The following DTYMK variants were observed in gnomAD, a reference collection of about 807,000 sequenced individuals.
DTYMK encodes the protein deoxythymidylate kinase, also known as thymidylate kinase.
Under a neutral mutation model 20.3 loss-of-function variants are expected in DTYMK, and 20 were observed. The ratio of observed to expected loss-of-function variants is 0.99; its 90% CI spans 0.69 to 1.43. The LOEUF (loss-of-function observed/expected upper bound fraction) is 1.43, where lower values mean the gene tolerates loss of function less well. Ranked by LOEUF, DTYMK falls within the 40% of genes most tolerant of loss-of-function variation. The pLI is 0.00. For missense variants in DTYMK, 320 were observed against 291.1 expected (o/e 1.10, Z -0.72); for synonymous variants, 148 against 124.4 (o/e 1.19, Z -1.27).
At chr2:241,682,494 A>C (rs2069282137) in intron 2 of DTYMK, among the ~76,000 whole-genome samples, 1 of 152,224 alleles carries the variant, frequency 6.6e-6, no homozygotes, top group South Asian at 2.1e-4. Context: ...ACCCCCTTAA[A>C]AAGTGGGCCA....
rs878962350 is a variant in DTYMK, at chr2:241,676,191, CG to C, written c.574del (p.Arg192AlafsTer130). On this transcript the variant is annotated frameshift_variant, in exon 5 of 5. Transcript: ENST00000305784. LOFTEE classifies it low-confidence loss of function (END_TRUNC). ...KSIEAVHEDIRVLSEDAIRTA... is the reference protein window; with the variant it reads ...KSIEAVHEDIXVLSEDAIRTA... ...GCGGATGGCGTCCTCAGAGAGCACG[CG>C]GATGTCCTCATGGACAGCTTCGATG... 1 of 1,613,268 alleles carries C rather than the reference CG, an allele frequency of 6.2e-7. No homozygotes were observed. The highest frequency in any genetic ancestry group is 1.1e-5 in the South Asian group (1 of 90,960).
intron 4 of DTYMK, among the ~76,000 whole-genome samples, chr2:241,677,067 G>A (rs1205893722): frequency 2.0e-5 from 3 of 152,276 alleles, no homozygotes; most frequent in Non-Finnish European, 4.4e-5. Flanking sequence ...CCAGAAGGCA[G>A]GCAGTGAGAG....
intron 2 of DTYMK, among the ~76,000 whole-genome samples, chr2:241,682,537 C>T (rs1400032940): frequency 6.6e-6 from 1 of 152,172 alleles, no homozygotes; most frequent in African/African-American, 2.4e-5. Context: ...CCTATATTCC[C>T]AACACTTTGG....
At chr2:241,685,931 T>A in intron 1 of DTYMK, 54 bp from the exon 2 acceptor site, 2 of 1,552,628 alleles carry the variant, frequency 1.3e-6, no homozygotes, top group South Asian at 2.2e-5. Context: ...TTTCCCTCTA[T>A]ATTACAATAT....
intron 4 of DTYMK, among the ~76,000 whole-genome samples, chr2:241,677,286 A>T (rs1575102093): frequency 6.6e-6 from 1 of 152,322 alleles, no homozygotes; most frequent in Admixed American, 6.5e-5. Context: ...GATGCCTCTC[A>T]CTGGCCACTG....
intron 2 of DTYMK, among the ~76,000 whole-genome samples, chr2:241,683,994 T>C (rs886234322): frequency 1.3e-5 from 2 of 151,986 alleles, no homozygotes; most frequent in Non-Finnish European, 2.9e-5. Context: ...GAGGCGGCGG[T>C]TGCAGTGAGC....
intron 3 of DTYMK, among the ~76,000 whole-genome samples, 190 bp downstream of exon 3, chr2:241,680,039 A>G (rs2069204020): frequency 6.6e-6 from 1 of 152,192 alleles, no homozygotes; most frequent in Non-Finnish European, 1.5e-5. Context: ...CTGTGAAACA[A>G]TCTCTAGCTA....
chr2:241,679,302 T>C (rs1270652541), intron 3 of DTYMK, among the ~76,000 whole-genome samples: 9 of 152,008 alleles, frequency 5.9e-5, no homozygotes, highest in Non-Finnish European at 1.0e-4. Flanking sequence ...AACAGCACAA[T>C]GAGCTGAGGG....
In DTYMK at chr2:241,685,763, T is replaced by TCCCAGCGA; in HGVS notation, c.239+5_239+6insTCGCTGGG. The TCCCAGCGA allele has an allele frequency of 6.2e-7, 1 of 1,613,594 alleles. No individual in the cohort carries two copies. Among genetic ancestry groups the TCCCAGCGA allele is most frequent in the Non-Finnish European group, 8.5e-7 (1 of 1,179,586 alleles). On this transcript the variant is annotated splice_donor_region_variant and intron_variant, in intron 2 of 4. Coordinates refer to ENST00000305784, the MANE Select transcript of DTYMK (RefSeq NM_012145.4). ...GGCAGAGGGAGCAGTGTGCAATGGTTTTTACACTTGTTCCCAGCGATTTGC... is the reference window on the plus strand; with the variant it reads ...GGCAGAGGGAGCAGTGTGCAATGGTTCCCAGCGATTTACACTTGTTCCCAGCGATTTGC...
At chr2:241,684,882 G>C in intron 2 of DTYMK, 1 of 393,962 alleles carries the variant, frequency 2.5e-6, no homozygotes, top group Non-Finnish European at 5.2e-6. Flanking sequence ...AGGGGGGAAG[G>C]CAGGGGTAGT....
chr2:241,675,892 G>C lies in DTYMK; in HGVS notation c.*235C>G. 2.3e-6 allele frequency: 1 copy of C among 433,670 alleles called. No homozygotes were observed. Among genetic ancestry groups the C allele is most frequent in the Admixed American group, 4.2e-5 (1 of 24,028 alleles). The allele number at this position is 433,670 out of a possible 1,614,324, so 26.9% of individuals were successfully genotyped here. ...AACAGAGTGCCATCAGGACAGGGGA[G>C]AGGGCAGGAGACTGCTCCATCGCTC... is the stretch of plus-strand genomic sequence containing the variant. On this transcript the variant is annotated 3_prime_UTR_variant, in exon 5 of 5. Transcript: ENST00000305784.
At chr2:241,678,761 G>T in intron 3 of DTYMK, 112 bp from the exon 4 acceptor site, 1 of 1,193,910 alleles carries the variant, frequency 8.4e-7, no homozygotes, top group Non-Finnish European at 1.2e-6. Context: ...CAAGATGTGA[G>T]ACTGTTTATA....
intron 4 of DTYMK, among the ~76,000 whole-genome samples, chr2:241,677,450 C>T (rs868517594): frequency 1.3e-5 from 2 of 152,282 alleles, no homozygotes; most frequent in African/African-American, 2.4e-5. Flanking sequence ...CATCTGCAGG[C>T]ACAGCCAGTC....
In DTYMK at chr2:241,680,322, G is replaced by GA. The variant is rs1467054846; in HGVS notation, c.240-4dup. The GA allele has an allele frequency of 1.2e-6, 2 of 1,614,054 alleles. No individual in the cohort carries two copies. Among genetic ancestry groups the GA allele is most frequent in the South Asian group, 2.2e-5 (2 of 91,084 alleles). ...TCAACTTTTCCTTAATTAACGGCCT[G>GA]AAAAAGAGGATGCTCCTGAGCCCTG... On this transcript the variant is annotated splice_region_variant and splice_polypyrimidine_tract_variant and intron_variant, in intron 2 of 4. Coordinates refer to ENST00000305784, the MANE Select transcript of DTYMK (RefSeq NM_012145.4).
intron 4 of DTYMK, 147 bp downstream of exon 4, chr2:241,678,305 C>T: frequency 1.8e-6 from 2 of 1,129,468 alleles, no homozygotes; most frequent in African/African-American, 1.6e-5. Context: ...GCACCGAGAA[C>T]CCCTGAACGA....
chr2:241,679,971 C>CCAAAAA (rs1553575077), intron 3 of DTYMK, among the ~76,000 whole-genome samples: 1 of 101,990 alleles, frequency 9.8e-6, no homozygotes. Context: ...ACTGTCTCCC[C>CCAAAAA]AAAAAAAAAA....
chr2:241,682,829 C>G, intron 2 of DTYMK: 1 of 177,112 alleles, frequency 5.6e-6, no homozygotes, highest in Non-Finnish European at 1.2e-5. Context: ...GAGGCTGAGG[C>G]AGGAGAATCG....
chr2:241,686,258 GAAAAACCCAC>G (rs2069400427), intron 1 of DTYMK, among the ~76,000 whole-genome samples: 2 of 152,296 alleles, frequency 1.3e-5, no homozygotes, highest in East Asian at 3.9e-4. Context: ...CACAACACCA[GAAAAACCCAC>G]AAAAACGAGA....
At chr2:241,684,008 G>A (rs905559415) in intron 2 of DTYMK, among the ~76,000 whole-genome samples, 2 of 151,976 alleles carry the variant, frequency 1.3e-5, no homozygotes, top group Non-Finnish European at 2.9e-5. Context: ...AGTGAGCCGA[G>A]ACTGAGCCAC....
Sources: allele counts gnomAD v4.1 joint callset (sites outside exome capture counted in the v4.1 genomes callset), GRCh38; gene constraint gnomAD v4.1.1; transcripts MANE v1.5; gene names NCBI Gene and HGNC (gene_info 2026-07-23, HGNC 2026-07-21).